The following HYCC1 variants were observed in gnomAD, a reference collection of about 807,000 sequenced individuals.
HYCC1 encodes hyccin.
the HYCC1 span, among the ~76,000 whole-genome samples, chr7:22,989,950 A>G: frequency 1.3e-3 from 205 of 152,320 alleles, no homozygotes; most frequent in African/African-American, 4.7e-3. Flanking sequence ...GTTATCTAAA[A>G]TCACAGATTA....
chr7:22,965,968 T>A, the HYCC1 span, among the ~76,000 whole-genome samples: 1 of 152,144 alleles, frequency 6.6e-6, no homozygotes, highest in African/African-American at 2.4e-5. Flanking sequence ...TAAGGAGCAT[T>A]TATTATAACG....
chr7:23,012,019 T>C, the HYCC1 span, among the ~76,000 whole-genome samples: 1 of 152,228 alleles, frequency 6.6e-6, no homozygotes, highest in African/African-American at 2.4e-5. Flanking sequence ...TAACATCTTG[T>C]ATGTTAGATA....
At chr7:22,942,260 CA>C in the HYCC1 span, 6 of 152,110 alleles carry the variant, frequency 3.9e-5, no homozygotes, top group South Asian at 4.1e-4. Context: ...AGTTGCTTCA[CA>C]ATTGAAAAGA....
At chr7:22,921,026 G>A in the HYCC1 span, among the ~76,000 whole-genome samples, 3 of 152,086 alleles carry the variant, frequency 2.0e-5, no homozygotes, top group South Asian at 2.1e-4. Flanking sequence ...GCTTCCTAAG[G>A]CCTCTCCAGA....
At chr7:22,988,096 C>T in the HYCC1 span, among the ~76,000 whole-genome samples, 1 of 151,768 alleles carries the variant, frequency 6.6e-6, no homozygotes, top group African/African-American at 2.4e-5. Flanking sequence ...TAACCTTCTT[C>T]TCTTTGTCAA....
At chr7:22,960,536 T>C in the HYCC1 span, 1 of 767,794 alleles carries the variant, frequency 1.3e-6, no homozygotes, top group Admixed American at 2.0e-5. Flanking sequence ...CCAAGCATTT[T>C]ATAAGATGAT....
chr7:22,897,789 AATTTATTT>A, the HYCC1 span, among the ~76,000 whole-genome samples: 8 of 151,454 alleles, frequency 5.3e-5, no homozygotes, highest in South Asian at 1.7e-3. Flanking sequence ...GTGTTTTTAA[AATTTATTT>A]ATTTATTTAT....
At chr7:22,927,057 C>A in the HYCC1 span, among the ~76,000 whole-genome samples, 2 of 152,188 alleles carry the variant, frequency 1.3e-5, no homozygotes, top group Admixed American at 6.5e-5. Flanking sequence ...TACATGGAAA[C>A]TGAACAACCT....
At chr7:22,915,571 G>A in the HYCC1 span, among the ~76,000 whole-genome samples, 19 of 152,314 alleles carry the variant, frequency 1.2e-4, no homozygotes, top group Middle Eastern at 3.4e-3. Context: ...CCCAGATCTC[G>A]GCTTAGCGGC....
chr7:22,988,280 G>A, the HYCC1 span, among the ~76,000 whole-genome samples: 1 of 152,106 alleles, frequency 6.6e-6, no homozygotes, highest in South Asian at 2.1e-4. Context: ...TCAAAATTGG[G>A]TAAAGTTAAT....
chr7:22,906,195 T>C, the HYCC1 span, among the ~76,000 whole-genome samples: 2 of 152,186 alleles, frequency 1.3e-5, no homozygotes, highest in African/African-American at 4.8e-5. Context: ...CACTGACTGA[T>C]GTATTAAATT....
the HYCC1 span, among the ~76,000 whole-genome samples, chr7:22,919,671 A>G: frequency 6.6e-6 from 1 of 152,154 alleles, no homozygotes; most frequent in Non-Finnish European, 1.5e-5. Flanking sequence ...TGAAAATTTA[A>G]TAGAGGGGCT....
At chr7:22,902,564 C>G in the HYCC1 span, among the ~76,000 whole-genome samples, 2 of 151,950 alleles carry the variant, frequency 1.3e-5, no homozygotes, top group Non-Finnish European at 2.9e-5. Context: ...ACCAGTTTGG[C>G]CTTAGCAAAC....
chr7:22,918,726 C>T, the HYCC1 span, among the ~76,000 whole-genome samples: 6 of 152,038 alleles, frequency 3.9e-5, 1 homozygote, highest in South Asian at 1.2e-3. Context: ...CACCTTGTGA[C>T]CCCCCACCCC....
At chr7:22,998,354 T>C in the HYCC1 span, among the ~76,000 whole-genome samples, 3 of 152,156 alleles carry the variant, frequency 2.0e-5, no homozygotes, top group Admixed American at 2.0e-4. Flanking sequence ...ATTAACAATT[T>C]AGATTTCTTT....
chr7:23,014,063 C>A, the HYCC1 span: 5 of 470,656 alleles, frequency 1.1e-5, no homozygotes, highest in African/African-American at 1.0e-4. Flanking sequence ...TCCCGGTGAG[C>A]CATCTTCCCC....
chr7:22,926,835 A>G, the HYCC1 span, among the ~76,000 whole-genome samples: 2,411 of 151,832 alleles, frequency 0.016, 68 homozygotes, highest in African/African-American at 0.055. Context: ...AAGCAGACCT[A>G]ATAGACATCT....
the HYCC1 span, among the ~76,000 whole-genome samples, chr7:22,919,779 AG>A: frequency 4.6e-5 from 7 of 152,156 alleles, no homozygotes; most frequent in African/African-American, 1.7e-4. Context: ...AACAGAATGA[AG>A]AAAAATTAAA....
chr7:22,997,862 T>C, the HYCC1 span, among the ~76,000 whole-genome samples: 1 of 152,218 alleles, frequency 6.6e-6, no homozygotes, highest in African/African-American at 2.4e-5. Context: ...CATAGGTTTT[T>C]ACTCTATAAA....
Sources: allele counts gnomAD v4.1 joint callset (sites outside exome capture counted in the v4.1 genomes callset), GRCh38; gene constraint gnomAD v4.1.1; transcripts MANE v1.5; gene names NCBI Gene and HGNC (gene_info 2026-07-23, HGNC 2026-07-21).